The following FSIP1 variants were observed in gnomAD, a reference collection of about 807,000 sequenced individuals.
FSIP1 encodes fibrous sheath interacting protein 1, also known as fibrous sheath-interacting protein 1.
A neutral mutation model predicts 60.9 loss-of-function variants in FSIP1; 65 were observed. The ratio of observed to expected loss-of-function variants is 1.07; its 90% CI spans 0.87 to 1.31. The LOEUF (loss-of-function observed/expected upper bound fraction) is 1.31. FSIP1 is among the 40% of genes most tolerant of loss of function. FSIP1 has a pLI of 0.00. For missense variants in FSIP1, 675 were observed against 665.5 expected (o/e 1.01, Z -0.16); for synonymous variants, 209 against 221.2 (o/e 0.94, Z 0.49).
intron 10 of FSIP1, among the ~76,000 whole-genome samples, chr15:39,624,271 C>A (rs1358297115): frequency 6.6e-6 from 1 of 152,140 alleles, no homozygotes; most frequent in Non-Finnish European, 1.5e-5. Context: ...TCAGAAGGAA[C>A]CTGCCACTTA....
intron 10 of FSIP1, among the ~76,000 whole-genome samples, chr15:39,618,484 C>G (rs1409458750): frequency 2.1e-5 from 3 of 146,328 alleles, no homozygotes; most frequent in African/African-American, 2.6e-5. Flanking sequence ...CCACCACCAT[C>G]CAATTCCTTA....
At position 39,735,676 on chromosome 15, in the gene FSIP1, CTTT is replaced by C. The variant is rs1010038274; in HGVS notation, c.891+2412_891+2414del. 2.0e-5 allele frequency among the ~76,000 whole-genome samples: 3 copies of C among 151,980 alleles called. 1 individual carries two copies. Among genetic ancestry groups the C allele is most frequent in the African/African-American group, 7.2e-5 (3 of 41,394 alleles). ...AATAATAAAGGAATTTTTACTGTAACTTTTTTACTTTTAAAACTTTTAAATTTG... is the reference window on the plus strand; with the variant it reads ...AATAATAAAGGAATTTTTACTGTAACTTTACTTTTAAAACTTTTAAATTTG... On this transcript the variant is annotated intron_variant, in intron 8 of 11. Coordinates refer to ENST00000350221, the MANE Select transcript of FSIP1 (RefSeq NM_152597.5).
intron 5 of FSIP1, among the ~76,000 whole-genome samples, chr15:39,759,453 A>C (rs1384316598): frequency 2.0e-5 from 3 of 152,238 alleles, no homozygotes; most frequent in African/African-American, 4.8e-5. Context: ...GCATAGAAAA[A>C]TAATATTCAG....
intron 5 of FSIP1, among the ~76,000 whole-genome samples, chr15:39,763,137 T>G (rs897008572): frequency 6.6e-6 from 1 of 152,162 alleles, no homozygotes; most frequent in Non-Finnish European, 1.5e-5. Context: ...CTTATATAGA[T>G]TATACATGTG....
intron 10 of FSIP1, among the ~76,000 whole-genome samples, chr15:39,701,801 A>G (rs1895069992): frequency 6.6e-6 from 1 of 152,202 alleles, no homozygotes; most frequent in Non-Finnish European, 1.5e-5. Context: ...ATGATTGCTC[A>G]TGATAGTTTA....
intron 5 of FSIP1, among the ~76,000 whole-genome samples, chr15:39,760,597 T>C (rs891948582): frequency 6.6e-6 from 1 of 152,114 alleles, no homozygotes; most frequent in Admixed American, 6.5e-5. Context: ...TTTTACAAAA[T>C]AGCTGACCAA....
intron 10 of FSIP1, among the ~76,000 whole-genome samples, chr15:39,674,262 G>C (rs1893845815): frequency 6.6e-6 from 1 of 152,102 alleles, no homozygotes; most frequent in Non-Finnish European, 1.5e-5. Flanking sequence ...CACCGTGTTA[G>C]CCAGGATGGT....
rs869063502 is a variant in FSIP1 at position 39,633,091 on chromosome 15, C to CTTTTTTTTTTTTTTTT, written c.1189-14862_1189-14847dup. Among the ~76,000 whole-genome samples, 55 of 112,884 alleles carry CTTTTTTTTTTTTTTTT rather than the reference C, an allele frequency of 4.9e-4. 4 individuals are homozygous for CTTTTTTTTTTTTTTTT. The highest frequency in any genetic ancestry group is 2.0e-3 in the African/African-American group (54 of 27,104). 74.1% of individuals were successfully genotyped at this position (112,884 alleles called of 152,430 possible). ...AATCTTCCCCACATAGGCTATACTT[C>CTTTTTTTTTTTTTTTT]TTTTTTTTTTTTTTTTTTTTGAGAT... On this transcript the variant is annotated intron_variant, in intron 10 of 11. Transcript: ENST00000350221.
rs770621683 is a variant in FSIP1 at position 39,738,184 on chromosome 15, T to C, written c.798A>G (p.Arg266=). Residue 266 remains arginine (R), a synonymous_variant, in exon 8 of 12, where the codon AGA becomes AGG. Transcript: ENST00000350221. ...KRNIELAKES[R]NPVVMVDREK... ...CTCTGTCAACCATAACCACTGGGTT[T>C]CTTGATTCCTTGGCCAACTACAGAA... 1 of 1,610,594 alleles carries C rather than the reference T, an allele frequency of 6.2e-7. No individual in the cohort carries two copies. Among genetic ancestry groups the C allele is most frequent in the South Asian group, 1.1e-5 (1 of 90,588 alleles).
intron 8 of FSIP1, among the ~76,000 whole-genome samples, chr15:39,729,465 G>A (rs1038751499): frequency 8.6e-5 from 13 of 152,024 alleles, no homozygotes; most frequent in Non-Finnish European, 1.8e-4. Flanking sequence ...TCCCAGATAC[G>A]AAGGAGGCTG....
At chr15:39,719,950 G>C (rs989269660) in intron 9 of FSIP1, among the ~76,000 whole-genome samples, 7 of 152,196 alleles carry the variant, frequency 4.6e-5, no homozygotes, top group Non-Finnish European at 7.3e-5. Flanking sequence ...CTTCTTGTTT[G>C]TTCCTCAAAC....
intron 5 of FSIP1, among the ~76,000 whole-genome samples, chr15:39,762,151 T>A (rs1276820816): frequency 6.6e-6 from 1 of 152,222 alleles, no homozygotes; most frequent in Non-Finnish European, 1.5e-5. Context: ...ATCGGTTTCC[T>A]AGGGCTGCTA....
rs141852418 is a variant in FSIP1, at chr15:39,694,437, A to G, written c.1188+19007T>C. On this transcript the variant is annotated intron_variant, in intron 10 of 11. Coordinates refer to ENST00000350221, the MANE Select transcript of FSIP1 (RefSeq NM_152597.5). ...CTTTTAAAAGACTCAAATTATATACACAAAATCCTCAGTCACTATGTAAGT... is the reference window on the plus strand; with the variant it reads ...CTTTTAAAAGACTCAAATTATATACGCAAAATCCTCAGTCACTATGTAAGT... Among the ~76,000 whole-genome samples, 530 of 152,372 alleles carry G rather than the reference A, an allele frequency of 3.5e-3. 2 individuals carry two copies. Among genetic ancestry groups the G allele is most frequent in the African/African-American group, 0.012 (507 of 41,590 alleles).
At chr15:39,751,280 G>A (rs913902014) in intron 5 of FSIP1, among the ~76,000 whole-genome samples, 6 of 151,652 alleles carry the variant, frequency 4.0e-5, no homozygotes, top group South Asian at 4.2e-4. Context: ...GGGTATAAAC[G>A]CAAAGAAAAT....
At chr15:39,696,822 A>T (rs887754060) in intron 10 of FSIP1, among the ~76,000 whole-genome samples, 17 of 149,876 alleles carry the variant, frequency 1.1e-4, no homozygotes, top group African/African-American at 4.0e-4. Context: ...AGGAGAGGAG[A>T]GGGAAGGAGA....
At chr15:39,648,136 T>A (rs1892700690) in intron 10 of FSIP1, among the ~76,000 whole-genome samples, 1 of 137,348 alleles carries the variant, frequency 7.3e-6, no homozygotes, top group Admixed American at 8.0e-5. Context: ...ACCTGCACAA[T>A]GTGCACATGT....
chr15:39,748,794 G>C (rs1187048691), intron 5 of FSIP1, among the ~76,000 whole-genome samples: 1 of 151,856 alleles, frequency 6.6e-6, no homozygotes, highest in African/African-American at 2.4e-5. Context: ...GTTAGCAGAA[G>C]GAAGAAAATA....
intron 2 of FSIP1, among the ~76,000 whole-genome samples, chr15:39,771,566 C>CA (rs1897887566): frequency 6.6e-6 from 1 of 152,180 alleles, no homozygotes; most frequent in Non-Finnish European, 1.5e-5. Context: ...ACTGAGCTGA[C>CA]TCAGTGGTAA....
chr15:39,716,853 T>C (rs2087132), intron 9 of FSIP1, among the ~76,000 whole-genome samples: 14,910 of 137,946 alleles, frequency 0.11, 881 homozygotes, highest in Middle Eastern at 0.26. Flanking sequence ...TCTCGCTCTG[T>C]TGCCAGGCTG....
Sources: gnomAD v4.1 joint callset for allele counts (sites outside exome capture counted in the v4.1 genomes callset) on GRCh38, gnomAD v4.1.1 for gene constraint, MANE v1.5 for transcripts, NCBI Gene and HGNC (gene_info 2026-07-23, HGNC 2026-07-21) for gene names.